The following RBKS variants were observed in gnomAD, a reference collection of about 807,000 sequenced individuals.
RBKS encodes the protein ribokinase.
Under a neutral mutation model 33.9 loss-of-function variants are expected in RBKS, and 33 were observed. The observed-to-expected ratio is 0.97, with a 90% CI of 0.74 to 1.30. The LOEUF is 1.30. RBKS is among the 50% of genes most tolerant of loss of function. RBKS has a pLI of 0.00. For synonymous variants in RBKS, 125 were observed against 143.0 expected, an observed-to-expected ratio of 0.87 and a Z score of 0.90; for missense variants, 361 against 392.6, an observed-to-expected ratio of 0.92 and a Z score of 0.68.
rs72810569 is a variant in RBKS at position 27,886,575 on chromosome 2, T to C, written c.89+3682A>G. Reference sequence around the variant, plus strand: ...CAGAGTTAGAGGTAGAATGATATAATGGAAAGGTACGAATTGGGGCCAGGC... The same window carrying C: ...CAGAGTTAGAGGTAGAATGATATAACGGAAAGGTACGAATTGGGGCCAGGC... On this transcript the variant is annotated intron_variant, in intron 1 of 7. Coordinates refer to ENST00000302188, the MANE Select transcript of RBKS (RefSeq NM_022128.3). 6.6e-5 allele frequency among the ~76,000 whole-genome samples: 10 copies of C among 152,142 alleles called. No homozygotes were observed. In the East Asian group the frequency reaches 1.7e-3, roughly 26 times the overall value.
chr2:27,840,912 G>C (rs1318660232), intron 5 of RBKS, among the ~76,000 whole-genome samples: 1 of 152,166 alleles, frequency 6.6e-6, no homozygotes, highest in African/African-American at 2.4e-5. Context: ...AGGGTAAAAT[G>C]TGTACGAAAG....
At chr2:27,855,604 A>C (rs1258681786) in intron 2 of RBKS, among the ~76,000 whole-genome samples, 1 of 152,240 alleles carries the variant, frequency 6.6e-6, no homozygotes, top group African/African-American at 2.4e-5. Context: ...TTTATACAAT[A>C]TCTGCCAGGA....
At chr2:27,790,444 C>A (rs1380746875) in intron 7 of RBKS, among the ~76,000 whole-genome samples, 1 of 152,124 alleles carries the variant, frequency 6.6e-6, no homozygotes, top group Non-Finnish European at 1.5e-5. Flanking sequence ...ACCTGATAAA[C>A]TGAAATTTAT....
Position 27,806,747 on chromosome 2 carries a change from C to T in RBKS, c.795+20820G>A, listed in dbSNP as rs562905110. ...TCTTTGAATATCCTCAATGGAGGCA[C>T]ATTTCATCTCAGTCAGTGATTCTTA... On this transcript the variant is annotated intron_variant, in intron 7 of 7. Coordinates refer to ENST00000302188, the MANE Select transcript of RBKS (RefSeq NM_022128.3). Among the ~76,000 whole-genome samples the T allele has an allele frequency of 2.6e-5, 4 of 152,302 alleles. No individual in the cohort carries two copies. In the South Asian group the frequency reaches 6.2e-4, roughly 24 times the overall value.
intron 5 of RBKS, among the ~76,000 whole-genome samples, chr2:27,834,407 G>A (rs1678476443): frequency 6.6e-6 from 1 of 152,184 alleles, no homozygotes; most frequent in African/African-American, 2.4e-5. Context: ...ATTAGAAAAT[G>A]GATGTAAAAG....
At chr2:27,861,404 A>G (rs1004426963) in intron 1 of RBKS, 9 of 451,848 alleles carry the variant, frequency 2.0e-5, no homozygotes, top group South Asian at 9.8e-5. Flanking sequence ...TAACAACTCC[A>G]TATTTTACCA....
intron 1 of RBKS, among the ~76,000 whole-genome samples, chr2:27,873,183 A>G (rs915325163): frequency 6.6e-6 from 1 of 152,224 alleles, no homozygotes; most frequent in African/African-American, 2.4e-5. Flanking sequence ...AGTAACTGAA[A>G]TGATCCTCTG....
At chr2:27,846,604 A>C (rs924555889) in intron 4 of RBKS, among the ~76,000 whole-genome samples, 2 of 152,248 alleles carry the variant, frequency 1.3e-5, no homozygotes, top group African/African-American at 4.8e-5. Context: ...GGATGTAATT[A>C]GTTGCTGCCA....
intron 6 of RBKS, among the ~76,000 whole-genome samples, chr2:27,830,159 T>G (rs1203686005): frequency 1.3e-5 from 2 of 152,216 alleles, no homozygotes; most frequent in Non-Finnish European, 2.9e-5. Context: ...CTTTTCATTG[T>G]GTCCATTAGT....
intron 2 of RBKS, among the ~76,000 whole-genome samples, chr2:27,856,483 G>A (rs573319933): frequency 6.6e-6 from 1 of 152,236 alleles, no homozygotes; most frequent in African/African-American, 2.4e-5. Flanking sequence ...CCCACGTTCA[G>A]TTCCATAACT....
At chr2:27,846,018 GTAGTCACC>G (rs1282483981) in intron 4 of RBKS, among the ~76,000 whole-genome samples, 1 of 151,926 alleles carries the variant, frequency 6.6e-6, no homozygotes, top group Non-Finnish European at 1.5e-5. Context: ...AGGCTGGAGT[GTAGTCACC>G]CAATCTTGGC....
At position 27,890,163 on chromosome 2, in the gene RBKS, T is replaced by C; in HGVS notation, c.89+94A>G. 8.4e-7 allele frequency: 1 copy of C among 1,194,756 alleles called. No homozygotes were observed. The highest frequency in any genetic ancestry group is 1.2e-6 in the Non-Finnish European group (1 of 822,264). 74.0% of individuals were successfully genotyped at this position (1,194,756 alleles called of 1,614,324 possible). On this transcript the variant is annotated intron_variant, in intron 1 of 7. Transcript: ENST00000302188. This position sits in a 1 kb window ranked among gnomAD's most constrained non-coding sequence, Gnocchi z 4.8. Reference sequence around the variant, plus strand: ...ACCCAAAGCTAGCACTGTCTATCCCTGGAGACCCAGCGCCCAAAAGCTCCA... The same window carrying C: ...ACCCAAAGCTAGCACTGTCTATCCCCGGAGACCCAGCGCCCAAAAGCTCCA...
At position 27,890,198 on chromosome 2, in the gene RBKS, T is replaced by C. The variant is rs1474382115; in HGVS notation, c.89+59A>G. 24 of 1,538,584 alleles carry C rather than the reference T, an allele frequency of 1.6e-5. No individual in the cohort carries two copies. Among genetic ancestry groups the C allele is most frequent in the East Asian group, 9.1e-5 (4 of 44,068 alleles). On this transcript the variant is annotated intron_variant, in intron 1 of 7. Coordinates refer to ENST00000302188, the MANE Select transcript of RBKS (RefSeq NM_022128.3). The surrounding 1 kb of genome is among the most constrained non-coding windows in gnomAD (Gnocchi z 4.8). ...GCGCCCAAAAGCTCCACTGGGCGCA[T>C]AGCGCACGGCACGCCTCCTCCCCCG... is the stretch of plus-strand genomic sequence containing the variant.
At chr2:27,848,133 G>T in intron 2 of RBKS, 36 bp from the exon 3 acceptor site, 2 of 1,222,676 alleles carry the variant, frequency 1.6e-6, no homozygotes, top group Non-Finnish European at 2.4e-6. Context: ...AGATCTTTTA[G>T]AGTTAGTAAA....
At chr2:27,868,037 A>C (rs1383043089) in intron 1 of RBKS, among the ~76,000 whole-genome samples, 1 of 152,178 alleles carries the variant, frequency 6.6e-6, no homozygotes, top group Admixed American at 6.5e-5. Context: ...TTTATTTTCT[A>C]TTTTGCCAAT....
chr2:27,823,515 ATACCCTC>A (rs1256485109), intron 7 of RBKS, among the ~76,000 whole-genome samples: 1 of 152,152 alleles, frequency 6.6e-6, no homozygotes, highest in Non-Finnish European at 1.5e-5. Context: ...AGAGCAAGTA[ATACCCTC>A]CTGACAGAAA....
chr2:27,813,244 C>T (rs987705305), intron 7 of RBKS, among the ~76,000 whole-genome samples: 6 of 152,006 alleles, frequency 3.9e-5, no homozygotes, highest in African/African-American at 1.4e-4. Context: ...TCACAGCCCG[C>T]AATTATAAAA....
At chr2:27,843,407 TATA>T (rs1320880646) in intron 4 of RBKS, among the ~76,000 whole-genome samples, 176 bp from the exon 5 acceptor site, 7 of 152,234 alleles carry the variant, frequency 4.6e-5, no homozygotes, top group African/African-American at 1.7e-4. Context: ...ATGTATCTTT[TATA>T]ATATCTCTGT....
intron 1 of RBKS, among the ~76,000 whole-genome samples, chr2:27,873,943 T>A (rs888132387): frequency 2.0e-5 from 3 of 152,192 alleles, no homozygotes; most frequent in Admixed American, 2.0e-4. Context: ...AGATAATTTA[T>A]AGCAGCCTTC....
Sources: gnomAD v4.1 joint callset for allele counts (sites outside exome capture counted in the v4.1 genomes callset) on GRCh38, gnomAD v4.1.1 for gene constraint, Gnocchi (gnomAD v3.1) non-coding constraint, MANE v1.5 for transcripts, NCBI Gene and HGNC (gene_info 2026-07-23, HGNC 2026-07-21) for gene names.